The following TLN1 variants were observed in gnomAD, a reference collection of about 807,000 sequenced individuals.
TLN1 encodes talin 1.
TLN1 carries 56 observed loss-of-function variants against 292.3 expected under a neutral mutation model. That is an observed-to-expected ratio of 0.19 (90% confidence interval 0.15 to 0.24). The LOEUF (loss-of-function observed/expected upper bound fraction) is 0.24, where lower values mean the gene tolerates loss of function less well. Ranked by LOEUF, TLN1 falls within the 10% of genes least tolerant of loss-of-function variation. The pLI, the probability that TLN1 is intolerant of heterozygous loss-of-function variation, is 1.00. For missense variants in TLN1, 2,433 were observed against 3,248.2 expected, an observed-to-expected ratio of 0.75 and a Z score of 6.10; for synonymous variants, 1,119 against 1,253.7, an observed-to-expected ratio of 0.89 and a Z score of 2.27.
chr9:35,722,429 G>A (rs1825892962), intron 8 of TLN1, among the ~76,000 whole-genome samples: 1 of 152,210 alleles, frequency 6.6e-6, no homozygotes, highest in Admixed American at 6.5e-5. Context: ...CAAGGAACTT[G>A]CAGACATTCT....
Position 35,724,008 on chromosome 9 carries a change from T to A in TLN1, c.726A>T (p.Gln242His). The change falls in exon 7 of 57, where the codon CAA becomes CAT. Residue 242 changes from glutamine to histidine, a missense_variant. By Grantham distance (24) the Gln-to-His change is conservative. Transcript: ENST00000314888. This position sits in a 1 kb window ranked among gnomAD's most constrained non-coding sequence, Gnocchi z 4.7. ...TGTGGGGCCCAAACTGGATCTGGCA[T>A]TGGAAGCCAGCAAACTCACAGGCCT... is the stretch of plus-strand genomic sequence containing the variant. ...FDKACEFAGFQCQIQFGPHNE... is the reference protein window; with the variant it reads ...FDKACEFAGFHCQIQFGPHNE... The A allele has an allele frequency of 6.2e-7, 1 of 1,613,896 alleles. No individual in the cohort carries two copies. Among genetic ancestry groups the A allele is most frequent in the Non-Finnish European group, 8.5e-7 (1 of 1,179,900 alleles).
At position 35,700,035 on chromosome 9, in the gene TLN1, G is replaced by A; in HGVS notation, c.6707C>T (p.Ala2236Val). ...PEVAPDVRLRALHYGRECANG... is the reference protein window; with the variant it reads ...PEVAPDVRLRVLHYGRECANG... Reference sequence around the variant, plus strand: ...GGCACACTCCCGGCCATAGTGCAGGGCTCGAAGCCGCACATCAGGGGCCAC... The same window carrying A: ...GGCACACTCCCGGCCATAGTGCAGGACTCGAAGCCGCACATCAGGGGCCAC... Residue 2236 changes from alanine to valine, a missense_variant, in exon 50 of 57, where the codon GCC (alanine) becomes GTC (valine). Ala to Val is a moderately conservative substitution (Grantham distance 64). Around this residue, in one of 7 missense-constraint regions of TLN1, gnomAD observed 1,384 missense variants for 1,699.6 expected, o/e 0.81. Coordinates refer to ENST00000314888, the MANE Select transcript of TLN1 (RefSeq NM_006289.4). 1.2e-6 allele frequency: 2 copies of A among 1,613,468 alleles called. No individual in the cohort carries two copies. Among genetic ancestry groups the A allele is most frequent in the Non-Finnish European group, 1.7e-6 (2 of 1,179,602 alleles).
rs1168760794 is a variant in TLN1, at chr9:35,720,396, C to T, written c.1283+37G>A. 7 of 1,608,608 alleles carry T rather than the reference C, an allele frequency of 4.4e-6. No homozygotes were observed. In the South Asian group the frequency reaches 7.7e-5, roughly 18 times the overall value. On this transcript the variant is annotated intron_variant, in intron 12 of 56. Transcript: ENST00000314888. ...TTAGAGTCAGGCCTTGCCTTCTCTA[C>T]CCCTGGGAAATGGGATCAGCCCAAC... is the stretch of plus-strand genomic sequence containing the variant.
In TLN1 at chr9:35,708,504, T is replaced by TGG. The variant is rs1825604730; in HGVS notation, c.4327-22_4327-21dup. ...TGCAGCCTGGGAAGAGAAAAGGGGG[T>TGG]GGGGGTGAGGAATAAAGATTGCAGG... On this transcript the variant is annotated intron_variant, in intron 33 of 56. Transcript: ENST00000314888. The TGG allele has an allele frequency of 2.0e-6, 3 of 1,535,278 alleles. No homozygotes were observed. Among genetic ancestry groups the TGG allele is most frequent in the Non-Finnish European group, 2.6e-6 (3 of 1,134,696 alleles).
In TLN1 at chr9:35,714,681, C is replaced by T; in HGVS notation, c.2878G>A (p.Ala960Thr). The change falls in exon 23 of 57, where the codon GCA becomes ACA. Residue 960 changes from alanine to threonine, a missense_variant. By Grantham distance (58) the Ala-to-Thr change is moderately conservative. Around this residue, in one of 7 missense-constraint regions of TLN1, gnomAD observed 617 missense variants for 770.6 expected, o/e 0.80. Transcript: ENST00000314888. This position sits in a 1 kb window ranked among gnomAD's most constrained non-coding sequence, Gnocchi z 4.6. ...PLLVQSCKAV[A>T]EQIPLLVQGV... is the part of the protein sequence containing the mutation. ...TGCACCAGCAGTGGAATCTGCTCTGCCACTGCCTGTAGGTGAAAATGTCAT... is the reference window on the plus strand; with the variant it reads ...TGCACCAGCAGTGGAATCTGCTCTGTCACTGCCTGTAGGTGAAAATGTCAT... The T allele has an allele frequency of 6.2e-7, 1 of 1,614,088 alleles. No individual in the cohort carries two copies. The highest frequency in any genetic ancestry group is 1.1e-5 in the South Asian group (1 of 91,090).
Position 35,707,928 on chromosome 9 carries a change from G to T in TLN1, c.4471-36C>A, listed in dbSNP as rs1159507712. On this transcript the variant is annotated intron_variant, in intron 34 of 56. Coordinates refer to ENST00000314888, the MANE Select transcript of TLN1 (RefSeq NM_006289.4). This position sits in a 1 kb window ranked among gnomAD's most constrained non-coding sequence, Gnocchi z 5.6. ...ACATGGAAGAGCCACGATGAGGGCAGGAAGGAGGTGTACATACCCAAGGAG... is the reference window on the plus strand; with the variant it reads ...ACATGGAAGAGCCACGATGAGGGCATGAAGGAGGTGTACATACCCAAGGAG... 3.7e-6 allele frequency: 6 copies of T among 1,609,394 alleles called. No individual in the cohort carries two copies. In the East Asian group the frequency reaches 1.3e-4, roughly 36 times the overall value.
Position 35,717,515 on chromosome 9 carries a change from G to A in TLN1, c.2164-75C>T. On this transcript the variant is annotated intron_variant, in intron 18 of 56. Transcript: ENST00000314888. The surrounding 1 kb of genome is among the most constrained non-coding windows in gnomAD (Gnocchi z 4.7). Reference sequence around the variant, plus strand: ...GTATGCTGCTCATAGCAGTAACTGGGATGGGTGAGGAGGCCTCCAGAGCCA... The same window carrying A: ...GTATGCTGCTCATAGCAGTAACTGGAATGGGTGAGGAGGCCTCCAGAGCCA... The A allele has an allele frequency of 3.8e-6, 6 of 1,577,156 alleles. No homozygotes were observed. In the South Asian group the frequency reaches 5.8e-5, roughly 15 times the overall value.
At chr9:35,716,244 C>G in intron 20 of TLN1, 146 bp downstream of exon 20, 2 of 711,582 alleles carry the variant, frequency 2.8e-6, no homozygotes, top group Non-Finnish European at 4.3e-6. Context: ...AGCCTTGGGG[C>G]TCATTCATTT....
Position 35,719,766 on chromosome 9 carries a change from T to A in TLN1, c.1552A>T (p.Thr518Ser). The A allele has an allele frequency of 6.2e-7, 1 of 1,607,966 alleles. No homozygotes were observed. The highest frequency in any genetic ancestry group is 8.5e-7 in the Non-Finnish European group (1 of 1,177,222). The stretch of plus-strand genomic sequence containing the variant: ...GCATCCTGGCCAAGAGGCGGCAGAG[T>A]GTCAAAGTCATCCAGGGTGGCCTGG... ...AAQATLDDFD[T>S]LPPLGQDAAS... is the part of the protein sequence containing the mutation. Residue 518 changes from threonine (T) to serine (S), a missense_variant, in exon 14 of 57, where the codon ACT becomes TCT. Physicochemically the swap from Thr to Ser is moderately conservative, Grantham distance 58 (BLOSUM62 1). Coordinates refer to ENST00000314888, the MANE Select transcript of TLN1 (RefSeq NM_006289.4). This position sits in a 1 kb window ranked among gnomAD's most constrained non-coding sequence, Gnocchi z 4.6.
intron 25 of TLN1, among the ~76,000 whole-genome samples, chr9:35,713,587 G>A (rs906994658): frequency 3.3e-5 from 5 of 152,124 alleles, no homozygotes; most frequent in African/African-American, 9.7e-5. Flanking sequence ...AGGAGGCTGA[G>A]GCAGGAGAAT....
chr9:35,722,826 G>A (rs748008216), intron 8 of TLN1, 35 bp downstream of exon 8: 111 of 1,604,864 alleles, frequency 6.9e-5, no homozygotes, highest in Admixed American at 1.5e-4. Flanking sequence ...AAAGCTCCGC[G>A]GTCATCCCAA....
At chr9:35,715,323 G>A in intron 20 of TLN1, 136 bp from the exon 21 acceptor site, 1 of 1,252,680 alleles carries the variant, frequency 8.0e-7, no homozygotes, top group Non-Finnish European at 1.1e-6. Context: ...CCACCAAAAG[G>A]CAATCACCTT....
Position 35,699,426 on chromosome 9 carries a change from C to G in TLN1, c.6804G>C (p.Gln2268His). The G allele has an allele frequency of 6.2e-7, 1 of 1,614,024 alleles. No homozygotes were observed. ...LQKPSPELKQ[Q>H]LTGHSKRVAG... Reference sequence around the variant, plus strand: ...CCACACGCTTTGAATGTCCTGTCAACTGCTGCTTCAGTTCTGGGCTTGGCT... The same window carrying G: ...CCACACGCTTTGAATGTCCTGTCAAGTGCTGCTTCAGTTCTGGGCTTGGCT... The change falls in exon 51 of 57, where the codon CAG becomes CAC. Residue 2268 changes from glutamine (Q) to histidine (H), a missense_variant. Physicochemically the swap from Gln to His is conservative, Grantham distance 24. This residue lies in a region of TLN1 where 1,384 missense variants were observed against 1,699.6 expected (regional missense o/e 0.81). Transcript: ENST00000314888. The surrounding 1 kb of genome is among the most constrained non-coding windows in gnomAD (Gnocchi z 4.0).
At chr9:35,718,493 G>C (rs1343634853) in intron 17 of TLN1, among the ~76,000 whole-genome samples, 1 of 152,096 alleles carries the variant, frequency 6.6e-6, no homozygotes, top group East Asian at 1.9e-4. Context: ...CTATTCTCAG[G>C]GTGGCATGGT....
chr9:35,717,359 C>T lies in TLN1; in HGVS notation c.2245G>A (p.Gly749Ser), dbSNP rs746904145. 6.2e-7 allele frequency: 1 copy of T among 1,614,172 alleles called. No homozygotes were observed. ...AGRLVAKAVE[G>S]CVSASQAATE... ...GCTGCCTGGGAGGCAGACACACAGC[C>T]CTCCACGGCTTTGGCTACCAGTCGT... is the stretch of plus-strand genomic sequence containing the variant. The change falls in exon 19 of 57, where the codon GGC becomes AGC. Residue 749 changes from glycine (G) to serine (S), a missense_variant. This residue lies in a region of TLN1 where 617 missense variants were observed against 770.6 expected (regional missense o/e 0.80). Transcript: ENST00000314888. The surrounding 1 kb of genome is among the most constrained non-coding windows in gnomAD (Gnocchi z 4.7).
chr9:35,697,670 G>T lies in TLN1; in HGVS notation c.*121C>A. The stretch of plus-strand genomic sequence containing the variant: ...GGACTGGGCGGGGCCAGGCCCTGGG[G>T]TTTGGCAGGCACTTTGGGGAGTGCT... On this transcript the variant is annotated 3_prime_UTR_variant, in exon 57 of 57. Coordinates refer to ENST00000314888, the MANE Select transcript of TLN1 (RefSeq NM_006289.4). The T allele has an allele frequency of 6.9e-7, 1 of 1,449,438 alleles. No homozygotes were observed. Among genetic ancestry groups the T allele is most frequent in the Non-Finnish European group, 9.3e-7 (1 of 1,075,452 alleles). The allele number at this position is 1,449,438 out of a possible 1,614,324, so 89.8% of individuals were successfully genotyped here. A position where few individuals can be genotyped will look rare whatever the true frequency, so the allele number is the denominator to read the frequency against.
chr9:35,706,960 C>T lies in TLN1; in HGVS notation c.4956-60G>A. On this transcript the variant is annotated intron_variant, in intron 37 of 56. Transcript: ENST00000314888. This position sits in a 1 kb window ranked among gnomAD's most constrained non-coding sequence, Gnocchi z 4.2. ...ATCCCCTACTGCAAGGCCAGCCTAT[C>T]CTTCCCCTGTATCCTCCCAACACCA... The T allele has an allele frequency of 1.2e-6, 2 of 1,609,668 alleles. No individual in the cohort carries two copies. The highest frequency in any genetic ancestry group is 1.7e-6 in the Non-Finnish European group (2 of 1,178,052).
chr9:35,732,110 C>G lies in TLN1; in HGVS notation c.-69G>C, dbSNP rs1826092748. Reference sequence around the variant, plus strand: ...TGGCTCTGCGCCCCGCCCGCCGGCCCGCCGCCCCGCCGCTTCTCGGGTCGC... The same window carrying G: ...TGGCTCTGCGCCCCGCCCGCCGGCCGGCCGCCCCGCCGCTTCTCGGGTCGC... On this transcript the variant is annotated 5_prime_UTR_variant, in exon 1 of 57. Transcript: ENST00000314888. The surrounding 1 kb of genome is among the most constrained non-coding windows in gnomAD (Gnocchi z 5.1). 6.5e-6 allele frequency: 1 copy of G among 153,880 alleles called. No homozygotes were observed. Among genetic ancestry groups the G allele is most frequent in the Non-Finnish European group, 1.5e-5 (1 of 68,952 alleles). 9.5% of individuals were successfully genotyped at this position (153,880 alleles called of 1,614,324 possible).
In TLN1 at chr9:35,700,461, C is replaced by A. The variant is rs569097020; in HGVS notation, c.6475-85G>T. 477 of 1,367,202 alleles carry A rather than the reference C, an allele frequency of 3.5e-4. 1 individual carries two copies. The highest frequency in any genetic ancestry group is 4.6e-4 in the Non-Finnish European group (458 of 1,002,950). 84.7% of individuals were successfully genotyped at this position (1,367,202 alleles called of 1,614,324 possible). On this transcript the variant is annotated intron_variant, in intron 48 of 56. Transcript: ENST00000314888. ...AACTCTGTGTGCATGTGATTTGGTG[C>A]AGACATTCACACATCACAGTGAATG...
Sources: allele counts gnomAD v4.1 joint callset (sites outside exome capture counted in the v4.1 genomes callset), GRCh38; gene constraint gnomAD v4.1.1; regional missense constraint gnomAD v4.1.1; non-coding constraint Gnocchi (gnomAD v3.1); transcripts MANE v1.5; gene names NCBI Gene and HGNC (gene_info 2026-07-23, HGNC 2026-07-21).